The following FBXO47 variants were observed in gnomAD, a reference collection of about 807,000 sequenced individuals.
FBXO47 encodes F-box only protein 47.
FBXO47 carries 34 observed loss-of-function variants against 53.9 expected under a neutral mutation model. The observed-to-expected ratio is 0.63, with a 90% CI of 0.48 to 0.84. FBXO47 has a LOEUF of 0.84. Ranked by LOEUF, FBXO47 falls within the 40% of genes least tolerant of loss-of-function variation. The pLI, the probability that FBXO47 is intolerant of heterozygous loss-of-function variation, is 0.00. For missense variants in FBXO47, 485 were observed against 541.3 expected (o/e 0.90, Z 1.03); for synonymous variants, 165 against 181.6 (o/e 0.91, Z 0.73).
At chr17:38,962,408 G>A (rs1390715915) in intron 2 of FBXO47, among the ~76,000 whole-genome samples, 1 of 152,096 alleles carries the variant, frequency 6.6e-6, no homozygotes, top group East Asian at 1.9e-4. Context: ...CTGAGGTCAG[G>A]AGTTCGAGAC....
At chr17:38,952,741 T>C (rs1444247243) in intron 5 of FBXO47, among the ~76,000 whole-genome samples, 2 of 151,960 alleles carry the variant, frequency 1.3e-5, no homozygotes, top group African/African-American at 2.4e-5. Context: ...CCTCCCCTAG[T>C]TGTCATTTAT....
At chr17:38,948,248 C>T (rs1471046413) in intron 6 of FBXO47, among the ~76,000 whole-genome samples, 2 of 130,602 alleles carry the variant, frequency 1.5e-5, no homozygotes, top group Non-Finnish European at 3.1e-5. Context: ...GAGTCTTGCT[C>T]GTCACCCAGG....
At chr17:38,946,944 A>G (rs1445747107) in intron 6 of FBXO47, among the ~76,000 whole-genome samples, 1 of 119,118 alleles carries the variant, frequency 8.4e-6, no homozygotes, top group Non-Finnish European at 1.6e-5. Context: ...ATATATATAA[A>G]CATATATAAA....
intron 3 of FBXO47, among the ~76,000 whole-genome samples, chr17:38,960,373 T>C (rs1905764570): frequency 6.6e-6 from 1 of 152,084 alleles, no homozygotes; most frequent in African/African-American, 2.4e-5. Flanking sequence ...AAACCAAGTG[T>C]TTGCATCAAA....
At chr17:38,950,173 C>G (rs2143930722) in intron 6 of FBXO47, among the ~76,000 whole-genome samples, 1 of 152,006 alleles carries the variant, frequency 6.6e-6, no homozygotes, top group Admixed American at 6.6e-5. Context: ...CAGTAACTCC[C>G]CACTCCCCCC....
At chr17:38,961,791 C>T (rs1037002232) in intron 3 of FBXO47, 86 bp downstream of exon 3, 25 of 1,189,532 alleles carry the variant, frequency 2.1e-5, no homozygotes, top group East Asian at 7.1e-5. Context: ...TATTCCATTT[C>T]CTACTGGCCT....
intron 1 of FBXO47, among the ~76,000 whole-genome samples, chr17:38,964,084 A>T (rs1391180909): frequency 2.0e-5 from 3 of 152,144 alleles, no homozygotes; most frequent in Non-Finnish European, 4.4e-5. Context: ...CTGGGATTAT[A>T]GGCACAAGCC....
chr17:38,945,405 T>G (rs1325341932), intron 6 of FBXO47, among the ~76,000 whole-genome samples: 1 of 152,170 alleles, frequency 6.6e-6, no homozygotes, highest in Non-Finnish European at 1.5e-5. Context: ...TACCAGACTC[T>G]TGTACAATTT....
At chr17:38,945,934 T>TAAAAAAA (rs1904739070) in intron 6 of FBXO47, among the ~76,000 whole-genome samples, 1 of 72,096 alleles carries the variant, frequency 1.4e-5, no homozygotes, top group African/African-American at 6.0e-5. Context: ...AGACTCTGGC[T>TAAAAAAA]CAAAAAAAAA....
At chr17:38,945,221 A>C in intron 6 of FBXO47, 85 bp from the exon 7 acceptor site, 1 of 963,424 alleles carries the variant, frequency 1.0e-6, no homozygotes, top group East Asian at 2.4e-5. Flanking sequence ...CTTATTAATC[A>C]TTATGGTTAG....
rs986507752 is a variant in FBXO47 at position 38,936,658 on chromosome 17, A to G, written c.*517T>C. On this transcript the variant is annotated 3_prime_UTR_variant, in exon 11 of 11. Transcript: ENST00000378079. ...ATCCATTAGTTCATGTAAAACATGA[A>G]CAAAATATAATGTTCTTTGTAAGCA... 3 of 152,242 alleles carry G rather than the reference A, an allele frequency of 2.0e-5. No individual in the cohort carries two copies. Among genetic ancestry groups the G allele is most frequent in the African/African-American group, 7.2e-5 (3 of 41,420 alleles). 9.4% of individuals were successfully genotyped at this position (152,242 alleles called of 1,614,324 possible).
At position 38,945,077 on chromosome 17, in the gene FBXO47, G is replaced by T; in HGVS notation, c.676C>A (p.His226Asn). ...RLFCRNVLLD[H>N]WTHRSDSAFW... The stretch of plus-strand genomic sequence containing the variant: ...GCAGAATCACTTCGATGTGTCCAAT[G>T]ATCAAGGAGGACATTCCTACAGAAG... Residue 226 changes from histidine (H) to asparagine (N), a missense_variant, in exon 7 of 11, where the codon CAT becomes AAT. Transcript: ENST00000378079. The T allele has an allele frequency of 6.2e-7, 1 of 1,613,832 alleles. No homozygotes were observed. Among genetic ancestry groups the T allele is most frequent in the South Asian group, 1.1e-5 (1 of 91,064 alleles).
rs184582041 is a variant in FBXO47, at chr17:38,937,362, T to C, written c.1244-72A>G. 6.0e-3 allele frequency: 3,152 copies of C among 521,614 alleles called. 23 individuals are homozygous for C. Among genetic ancestry groups the C allele is most frequent in the South Asian group, 0.016 (324 of 20,256 alleles). The allele number at this position is 521,614 out of a possible 1,614,324, so 32.3% of individuals were successfully genotyped here. The stretch of plus-strand genomic sequence containing the variant: ...TAAGTATATAATTTATTTTATTAAT[T>C]AATTTAATTTTTGAGACACAGTCTC... On this transcript the variant is annotated intron_variant, in intron 10 of 10. Transcript: ENST00000378079.
chr17:38,944,225 G>A (rs1307891873), intron 7 of FBXO47, among the ~76,000 whole-genome samples: 1 of 149,706 alleles, frequency 6.7e-6, no homozygotes, highest in African/African-American at 2.5e-5. Context: ...GTGTGTGTGT[G>A]TGTGTGTGTA....
intron 5 of FBXO47, among the ~76,000 whole-genome samples, chr17:38,953,165 A>ACG (rs1004776786): frequency 7.1e-6 from 1 of 140,824 alleles, no homozygotes; most frequent in African/African-American, 3.0e-5. Flanking sequence ...ACACACACAC[A>ACG]CAAAATAGCT....
In FBXO47 at chr17:38,954,901, A is replaced by T; in HGVS notation, c.462T>A (p.Ala154=). ...VSCFKFNGCA[A]PMQCLGLTCY... is the part of the protein sequence containing the mutation. ...ATGTTAATCCTAAACACTGCATAGG[A>T]GCTGCACAGCCATTGAATTTAAAGC... is the stretch of plus-strand genomic sequence containing the variant. Residue 154 remains alanine (A), a synonymous_variant, in exon 5 of 11, where the codon GCT becomes GCA. Coordinates refer to ENST00000378079, the MANE Select transcript of FBXO47 (RefSeq NM_001008777.3). The T allele has an allele frequency of 6.2e-7, 1 of 1,611,452 alleles. No homozygotes were observed. Among genetic ancestry groups the T allele is most frequent in the Non-Finnish European group, 8.5e-7 (1 of 1,179,066 alleles).
At chr17:38,946,693 TAA>T (rs1598141005) in intron 6 of FBXO47, among the ~76,000 whole-genome samples, 1 of 28,148 alleles carries the variant, frequency 3.6e-5, no homozygotes. Flanking sequence ...TATGAATATA[TAA>T]ATATATATAA....
At chr17:38,962,815 G>T (rs1450180459) in intron 2 of FBXO47, 30 bp downstream of exon 2, 5 of 1,531,138 alleles carry the variant, frequency 3.3e-6, no homozygotes, top group Non-Finnish European at 4.5e-6. Flanking sequence ...AGTGTCTTGT[G>T]TAGGCTATTC....
intron 1 of FBXO47, among the ~76,000 whole-genome samples, chr17:38,964,749 C>G (rs1453524462): frequency 6.6e-6 from 1 of 152,108 alleles, no homozygotes; most frequent in African/African-American, 2.4e-5. Context: ...ATCTTGATTT[C>G]AAAGACAAAT....
Sources: gnomAD v4.1 joint callset for allele counts (sites outside exome capture counted in the v4.1 genomes callset) on GRCh38, gnomAD v4.1.1 for gene constraint, MANE v1.5 for transcripts, NCBI Gene and HGNC (gene_info 2026-07-23, HGNC 2026-07-21) for gene names.